NLGN1: variants seen among roughly 807,000 people sequenced by gnomAD.
NLGN1 encodes the protein neuroligin-1.
In NLGN1, 12 loss-of-function variants were observed where a neutral mutation model predicts 65.5. The observed-to-expected ratio is 0.18, with a 90% confidence interval of 0.12 to 0.30. The LOEUF is 0.30. Ranked by LOEUF, NLGN1 falls within the 10% of genes least tolerant of loss-of-function variation. NLGN1 has a pLI of 1.00. For missense variants in NLGN1, 750 were observed against 1,007.1 expected (o/e 0.74, Z 3.46); for synonymous variants, 350 against 359.5 (o/e 0.97, Z 0.30).
In NLGN1 at chr3:174,279,791, T is replaced by C; in HGVS notation, c.1649+141T>C. 1.7e-6 allele frequency: 1 copy of C among 593,318 alleles called. No homozygotes were observed. The highest frequency in any genetic ancestry group is 2.5e-5 in the South Asian group (1 of 39,280). The allele number at this position is 593,318 out of a possible 1,614,324, so 36.8% of individuals were successfully genotyped here. A position where few individuals can be genotyped will look rare whatever the true frequency, so the allele number is the denominator to read the frequency against. On this transcript the variant is annotated intron_variant, in intron 6 of 6. Transcript: ENST00000457714. The surrounding 1 kb of genome is among the most constrained non-coding windows in gnomAD (Gnocchi z 4.7). ...ACATTCCTTTATTCAAAATTAATTC[T>C]ATATTATGGTGTTTTTAAAAGTCAT... is the stretch of plus-strand genomic sequence containing the variant.
At chr3:174,222,084 C>T (rs1220479161) in intron 4 of NLGN1, among the ~76,000 whole-genome samples, 1 of 152,082 alleles carries the variant, frequency 6.6e-6, no homozygotes, top group Non-Finnish European at 1.5e-5. Context: ...CAACCAGCTT[C>T]AGTGGGAAAT....
intron 3 of NLGN1, among the ~76,000 whole-genome samples, chr3:173,774,297 T>C (rs114360798): frequency 6.6e-6 from 1 of 152,174 alleles, no homozygotes; most frequent in African/African-American, 2.4e-5. Flanking sequence ...AAAGAACTTA[T>C]GTAAAATGTA....
chr3:173,507,115 G>C (rs1279444521), intron 2 of NLGN1, among the ~76,000 whole-genome samples: 1 of 152,114 alleles, frequency 6.6e-6, no homozygotes, highest in East Asian at 1.9e-4. Context: ...TTCTCTGCAG[G>C]AAAATAATTC....
intron 1 of NLGN1, among the ~76,000 whole-genome samples, chr3:173,415,066 C>G (rs1245201382): frequency 6.6e-6 from 1 of 152,234 alleles, no homozygotes; most frequent in Non-Finnish European, 1.5e-5. Context: ...TTTGATTCTT[C>G]ATCAAGCAAA....
intron 5 of NLGN1, among the ~76,000 whole-genome samples, chr3:174,277,694 GA>G (rs1280322022): frequency 6.6e-6 from 1 of 151,790 alleles, no homozygotes; most frequent in African/African-American, 2.4e-5. Context: ...AATACTGTTA[GA>G]TTTTTTTAAT....
At chr3:174,241,203 A>G (rs563041795) in intron 4 of NLGN1, among the ~76,000 whole-genome samples, 5 of 152,184 alleles carry the variant, frequency 3.3e-5, no homozygotes, top group Non-Finnish European at 5.9e-5. Context: ...AGGAAATTTT[A>G]TTATAACTCT....
intron 4 of NLGN1, among the ~76,000 whole-genome samples, chr3:174,016,556 G>A (rs977115662): frequency 6.6e-6 from 1 of 152,180 alleles, no homozygotes; most frequent in Non-Finnish European, 1.5e-5. Context: ...CACCCTCAAT[G>A]TAGTAGCATC....
At chr3:174,044,313 T>G (rs1342719214) in intron 4 of NLGN1, among the ~76,000 whole-genome samples, 4 of 152,184 alleles carry the variant, frequency 2.6e-5, no homozygotes, top group African/African-American at 9.6e-5. Context: ...CGCAAATTTC[T>G]CCAGCCAGCT....
At chr3:173,878,244 G>T (rs192149230) in intron 4 of NLGN1, among the ~76,000 whole-genome samples, 7 of 152,040 alleles carry the variant, frequency 4.6e-5, no homozygotes, top group Non-Finnish European at 7.4e-5. Context: ...GTTTCACCAG[G>T]TTGGTCAGGC....
intron 4 of NLGN1, among the ~76,000 whole-genome samples, chr3:173,980,056 G>T (rs1718417599): frequency 6.6e-6 from 1 of 152,014 alleles, no homozygotes; most frequent in South Asian, 2.1e-4. Flanking sequence ...AAGTAGCATG[G>T]TGTTTCCCTT....
At chr3:173,902,580 T>TATATG (rs1737569351) in intron 4 of NLGN1, among the ~76,000 whole-genome samples, 1 of 152,140 alleles carries the variant, frequency 6.6e-6, no homozygotes, top group Non-Finnish European at 1.5e-5. Context: ...CTGTGGCTAC[T>TATATG]CAAACCAGTT....
intron 2 of NLGN1, among the ~76,000 whole-genome samples, chr3:173,580,698 CT>C (rs976381920): frequency 6.6e-6 from 1 of 151,914 alleles, no homozygotes; most frequent in Non-Finnish European, 1.5e-5. Flanking sequence ...TTCACTTCTC[CT>C]TTTACTCCTC....
At chr3:174,265,780 T>TATATATATATATAC (rs56403508) in intron 4 of NLGN1, among the ~76,000 whole-genome samples, 10 of 102,450 alleles carry the variant, frequency 9.8e-5, no homozygotes, top group African/African-American at 3.8e-4. Context: ...TATATATATA[T>TATATATATATATAC]ATGTATATAT....
intron 4 of NLGN1, among the ~76,000 whole-genome samples, chr3:174,124,188 T>C (rs1718374153): frequency 6.6e-6 from 1 of 152,118 alleles, no homozygotes; most frequent in South Asian, 2.1e-4. Context: ...CCTCTAGAAC[T>C]GTGTGAAAAT....
chr3:173,922,165 A>AT (rs906555489), intron 4 of NLGN1, among the ~76,000 whole-genome samples: 95 of 152,194 alleles, frequency 6.2e-4, no homozygotes, highest in African/African-American at 2.1e-3. Context: ...AGAAATCTAT[A>AT]TTTTTTTATG....
chr3:173,884,022 G>A (rs1288665652), intron 4 of NLGN1, among the ~76,000 whole-genome samples: 1 of 151,322 alleles, frequency 6.6e-6, no homozygotes, highest in East Asian at 1.9e-4. Context: ...TTTGCATTTA[G>A]GGTAGGGTAA....
chr3:173,675,641 AT>A (rs1763018371), intron 3 of NLGN1, among the ~76,000 whole-genome samples: 1 of 152,066 alleles, frequency 6.6e-6, no homozygotes, highest in Non-Finnish European at 1.5e-5. Flanking sequence ...CCAGGAAACC[AT>A]GTAAGATAAT....
intron 4 of NLGN1, among the ~76,000 whole-genome samples, chr3:174,081,866 C>T (rs1742309478): frequency 6.6e-6 from 1 of 152,062 alleles, no homozygotes; most frequent in Non-Finnish European, 1.5e-5. Flanking sequence ...CCACCATGCC[C>T]GGCCTAGGTT....
intron 4 of NLGN1, among the ~76,000 whole-genome samples, chr3:174,045,930 G>T (rs932734332): frequency 6.6e-6 from 1 of 152,108 alleles, no homozygotes; most frequent in African/African-American, 2.4e-5. Context: ...TCCAATCTGA[G>T]ATCAGATTTT....
Sources: allele counts gnomAD v4.1 joint callset (sites outside exome capture counted in the v4.1 genomes callset), GRCh38; gene constraint gnomAD v4.1.1; non-coding constraint Gnocchi (gnomAD v3.1); transcripts MANE v1.5; gene names NCBI Gene and HGNC (gene_info 2026-07-23, HGNC 2026-07-21).